WDR35: variants seen among roughly 807,000 people sequenced by gnomAD.
WDR35 encodes the protein WD repeat domain 35.
WDR35 carries 118 observed loss-of-function variants against 158.3 expected under a neutral mutation model. The observed-to-expected ratio is 0.75, with a 90% confidence interval of 0.64 to 0.87. The LOEUF (loss-of-function observed/expected upper bound fraction) is 0.87, where lower values mean the gene tolerates loss of function less well. Among genes scored for constraint, WDR35 ranks in the 40% least tolerant of loss-of-function variants. WDR35 has a pLI of 0.00. For missense variants in WDR35, 1,263 were observed against 1,405.8 expected (o/e 0.90, Z 1.62); for synonymous variants, 448 against 476.1 (o/e 0.94, Z 0.77).
chr2:19,925,172 A>G (rs560060863), intron 25 of WDR35, among the ~76,000 whole-genome samples: 1 of 152,324 alleles, frequency 6.6e-6, no homozygotes, highest in East Asian at 1.9e-4. Flanking sequence ...GACCCTTGCC[A>G]GTGGGGACAA....
At chr2:19,951,116 A>G (rs968903027) in intron 13 of WDR35, among the ~76,000 whole-genome samples, 6 of 152,220 alleles carry the variant, frequency 3.9e-5, no homozygotes, top group Non-Finnish European at 5.9e-5. Context: ...ATAGACAGAT[A>G]AAGAGATAGA....
intron 5 of WDR35, among the ~76,000 whole-genome samples, chr2:19,977,079 G>A (rs1405897639): frequency 2.0e-5 from 3 of 152,100 alleles, no homozygotes; most frequent in South Asian, 2.1e-4. Flanking sequence ...CAATCCTCCC[G>A]CCTTGGCTTC....
At chr2:19,975,480 G>C (rs574341871) in intron 6 of WDR35, 50 bp downstream of exon 6, 6 of 1,566,486 alleles carry the variant, frequency 3.8e-6, no homozygotes, top group Non-Finnish European at 5.2e-6. Context: ...TGATATGTAC[G>C]ATAATCATAT....
chr2:19,943,188 A>C (rs1670931853), intron 16 of WDR35, among the ~76,000 whole-genome samples: 1 of 152,110 alleles, frequency 6.6e-6, no homozygotes. Flanking sequence ...ATGCAAGCAC[A>C]AGCAAACAAG....
chr2:19,989,983 G>T lies in WDR35; in HGVS notation c.24+9C>A, dbSNP rs754703472. 6.2e-6 allele frequency: 10 copies of T among 1,613,950 alleles called. No homozygotes were observed. Among genetic ancestry groups the T allele is most frequent in the Non-Finnish European group, 8.5e-6 (10 of 1,179,922 alleles). On this transcript the variant is annotated intron_variant, in intron 1 of 26. Coordinates refer to ENST00000281405, the MANE Select transcript of WDR35 (RefSeq NM_020779.4). ...GCGGAGAAACGAGGACGCCCCCCAGGAAACTCACTTTCTTGCTCAGGTAGA... is the reference window on the plus strand; with the variant it reads ...GCGGAGAAACGAGGACGCCCCCCAGTAAACTCACTTTCTTGCTCAGGTAGA...
intron 25 of WDR35, among the ~76,000 whole-genome samples, chr2:19,929,458 G>A (rs1055407111): frequency 6.6e-6 from 1 of 152,192 alleles, no homozygotes; most frequent in Non-Finnish European, 1.5e-5. Context: ...TGTCATGACA[G>A]TGCTTGCCAT....
chr2:19,953,934 A>C lies in WDR35; in HGVS notation c.1300T>G (p.Ser434Ala). ...AMTKTHVIAA[S>A]KEAFYTWQYR... ...TGCCAGGTATAAAATGCTTCTTTCG[A>C]GGCTGCTATCACATGGGTTTTGGTC... Residue 434 changes from serine (S) to alanine (A), a missense_variant, in exon 12 of 27, where the codon TCG becomes GCG. Transcript: ENST00000281405. 6.2e-7 allele frequency: 1 copy of C among 1,614,156 alleles called. No individual in the cohort carries two copies. The highest frequency in any genetic ancestry group is 1.3e-5 in the African/African-American group (1 of 75,056).
chr2:19,942,076 C>T (rs546943965), intron 16 of WDR35, among the ~76,000 whole-genome samples: 39 of 152,008 alleles, frequency 2.6e-4, no homozygotes, highest in Non-Finnish European at 4.7e-4. Flanking sequence ...ATATTTTATC[C>T]CTAAATACTG....
intron 16 of WDR35, among the ~76,000 whole-genome samples, chr2:19,943,548 T>C (rs1288247201): frequency 6.6e-6 from 1 of 152,136 alleles, no homozygotes. Context: ...GTCATGTAAA[T>C]AATTTCTAAA....
intron 25 of WDR35, among the ~76,000 whole-genome samples, chr2:19,928,253 C>T (rs1323414813): frequency 6.6e-6 from 1 of 152,264 alleles, no homozygotes; most frequent in Non-Finnish European, 1.5e-5. Context: ...GATAACTAGC[C>T]AGACCCATCC....
chr2:19,940,291 TG>T (rs1420513719), intron 17 of WDR35, among the ~76,000 whole-genome samples: 1 of 151,142 alleles, frequency 6.6e-6, no homozygotes, highest in African/African-American at 2.4e-5. Flanking sequence ...CACTTGAGCC[TG>T]GGGGGCAGAG....
intron 2 of WDR35, among the ~76,000 whole-genome samples, chr2:19,987,314 ATATT>A (rs1007258031): frequency 5.3e-5 from 8 of 152,294 alleles, no homozygotes; most frequent in African/African-American, 1.9e-4. Flanking sequence ...CATATTCCTC[ATATT>A]TATTTCTTTC....
Position 19,930,471 on chromosome 2 carries a change from C to A in WDR35, c.3046G>T (p.Ala1016Ser). 1 of 1,614,106 alleles carries A rather than the reference C, an allele frequency of 6.2e-7. No individual in the cohort carries two copies. The highest frequency in any genetic ancestry group is 2.2e-5 in the East Asian group (1 of 44,876). Residue 1016 changes from alanine to serine, a missense_variant, in exon 25 of 27, where the codon GCA (alanine) becomes TCA (serine). Physicochemically the swap from Ala to Ser is moderately conservative, Grantham distance 99. Transcript: ENST00000281405. ...AGTATAAAGAAGTGGTAAGCCTCTG[C>A]CCCTCTCCATGCATTATCTGTGAAA... ...DRFTDNAWRGAEAYHFFILAQ... is the reference protein window; with the variant it reads ...DRFTDNAWRGSEAYHFFILAQ...
In WDR35 at chr2:19,975,598, T is replaced by A. The variant is rs1672180527; in HGVS notation, c.502A>T (p.Ser168Cys). 1.2e-6 allele frequency: 2 copies of A among 1,614,006 alleles called. No individual in the cohort carries two copies. The highest frequency in any genetic ancestry group is 8.5e-7 in the Non-Finnish European group (1 of 1,179,994). The change falls in exon 6 of 27, where the codon AGT becomes TGT. Residue 168 changes from serine to cysteine, a missense_variant. Ser to Cys is a moderately radical substitution (Grantham distance 112). Transcript: ENST00000281405. ...QLSHVTWSAD[S>C]KVLLFGMANG... ...GCCATTCCAAAAAGTAAGACTTTACTGTCCGCAGACCATGTTACATGGGAT... is the reference window on the plus strand; with the variant it reads ...GCCATTCCAAAAAGTAAGACTTTACAGTCCGCAGACCATGTTACATGGGAT...
chr2:19,930,379 T>C lies in WDR35; in HGVS notation c.3121+17A>G. 6.2e-7 allele frequency: 1 copy of C among 1,614,146 alleles called. No individual in the cohort carries two copies. The highest frequency in any genetic ancestry group is 8.5e-7 in the Non-Finnish European group (1 of 1,180,002). On this transcript the variant is annotated intron_variant, in intron 25 of 26. Transcript: ENST00000281405. ...ATAATTTTCAGACATACTATACACA[T>C]TAGGTGACATGCCCACCTGTCTTCA...
intron 9 of WDR35, among the ~76,000 whole-genome samples, chr2:19,967,459 G>A (rs1229834017): frequency 6.6e-6 from 1 of 152,006 alleles, no homozygotes; most frequent in Non-Finnish European, 1.5e-5. Context: ...TACTTTAACT[G>A]CAACTGTTCT....
chr2:19,941,406 A>G (rs995316117), intron 17 of WDR35, among the ~76,000 whole-genome samples: 3 of 152,112 alleles, frequency 2.0e-5, no homozygotes, highest in African/African-American at 7.2e-5. Context: ...TACAAAAACA[A>G]TGACAACAAT....
Position 19,934,551 on chromosome 2 carries a change from A to G in WDR35, c.2547+920T>C, listed in dbSNP as rs985070468. ...TTACTATTTTAGTTATTTAATTATC[A>G]TTATAGTTATAATTACTTAGCATTT... On this transcript the variant is annotated intron_variant, in intron 21 of 26. Coordinates refer to ENST00000281405, the MANE Select transcript of WDR35 (RefSeq NM_020779.4). The surrounding 1 kb of genome is among the most constrained non-coding windows in gnomAD (Gnocchi z 4.6). Among the ~76,000 whole-genome samples, 6 of 152,070 alleles carry G rather than the reference A, an allele frequency of 3.9e-5. No individual in the cohort carries two copies. The highest frequency in any genetic ancestry group is 3.9e-4 in the Admixed American group (6 of 15,268).
chr2:19,929,826 T>A (rs1336239462), intron 25 of WDR35, among the ~76,000 whole-genome samples: 3 of 152,152 alleles, frequency 2.0e-5, no homozygotes, highest in Admixed American at 2.0e-4. Context: ...TACAAATTGT[T>A]AGATTATTTT....
Sources: allele counts gnomAD v4.1 joint callset (sites outside exome capture counted in the v4.1 genomes callset), GRCh38; gene constraint gnomAD v4.1.1; non-coding constraint Gnocchi (gnomAD v3.1); transcripts MANE v1.5; gene names NCBI Gene and HGNC (gene_info 2026-07-23, HGNC 2026-07-21).